The following CREBL2 variants were observed in gnomAD, a reference collection of about 807,000 sequenced individuals.
CREBL2 encodes cAMP-responsive element-binding protein-like 2.
A neutral mutation model predicts 19.5 loss-of-function variants in CREBL2; 4 were observed. That is an observed-to-expected ratio of 0.20 (90% CI 0.10 to 0.47). The LOEUF (loss-of-function observed/expected upper bound fraction) is 0.47, where lower values mean the gene tolerates loss of function less well. Ranked by LOEUF, CREBL2 falls within the 20% of genes least tolerant of loss-of-function variation. The pLI is 0.98. For missense variants in CREBL2, 85 were observed against 145.1 expected, an observed-to-expected ratio of 0.59 and a Z score of 2.13; for synonymous variants, 42 against 46.6, an observed-to-expected ratio of 0.90 and a Z score of 0.40.
At chr12:12,641,318 T>A (rs1168483187) in intron 3 of CREBL2, among the ~76,000 whole-genome samples, 2 of 148,346 alleles carry the variant, frequency 1.3e-5, no homozygotes, top group Non-Finnish European at 3.0e-5. Flanking sequence ...TTCAATATTT[T>A]TTTTTTTGAG....
chr12:12,636,087 A>G (rs1304895473), intron 2 of CREBL2, 113 bp downstream of exon 2: 1 of 1,014,982 alleles, frequency 9.9e-7, no homozygotes. Context: ...CATTGGAGAG[A>G]ATATTAATCT....
intron 2 of CREBL2, among the ~76,000 whole-genome samples, chr12:12,637,162 TAAAGAG>T (rs1484221254): frequency 6.6e-6 from 1 of 152,052 alleles, no homozygotes; most frequent in Admixed American, 6.5e-5. Flanking sequence ...GATCACTTGT[TAAAGAG>T]AGAAAGGAAA....
chr12:12,639,028 C>G (rs910842268), intron 3 of CREBL2, among the ~76,000 whole-genome samples: 2 of 152,130 alleles, frequency 1.3e-5, no homozygotes, highest in Non-Finnish European at 2.9e-5. Context: ...ATGGATTTAC[C>G]TATTCTGTAT....
At chr12:12,626,411 T>C (rs549652119) in intron 1 of CREBL2, among the ~76,000 whole-genome samples, 1 of 152,312 alleles carries the variant, frequency 6.6e-6, no homozygotes, top group African/African-American at 2.4e-5. Flanking sequence ...TTAAAACTCA[T>C]GAGTTAGAAC....
rs1158339392 is a variant in CREBL2, at chr12:12,643,667, CT to C, written c.*1670del. ...TTGGTTGCAAACTCAGATCTCTAGTCTAGTCTAGTCTAGTCTAGTCTAGTCA... is the reference window on the plus strand; with the variant it reads ...TTGGTTGCAAACTCAGATCTCTAGTCAGTCTAGTCTAGTCTAGTCTAGTCA... On this transcript the variant is annotated 3_prime_UTR_variant, in exon 4 of 4. Transcript: ENST00000228865. 5 of 152,172 alleles carry C rather than the reference CT, an allele frequency of 3.3e-5. No homozygotes were observed. Among genetic ancestry groups the C allele is most frequent in the Admixed American group, 3.3e-4 (5 of 15,288 alleles). The allele number at this position is 152,172 out of a possible 1,614,324, so 9.4% of individuals were successfully genotyped here.
rs139256609 is a variant in CREBL2, at chr12:12,612,493, C to T, written c.15+306C>T. Reference sequence around the variant, plus strand: ...ATAAGAAACTACTGTACTTTTTCTTCTTGCACTTTTTTGCTGCCTCCTCTC... The same window carrying T: ...ATAAGAAACTACTGTACTTTTTCTTTTTGCACTTTTTTGCTGCCTCCTCTC... On this transcript the variant is annotated intron_variant, in intron 1 of 3. Coordinates refer to ENST00000228865, the MANE Select transcript of CREBL2 (RefSeq NM_001310.4). 1.7e-3 allele frequency among the ~76,000 whole-genome samples: 255 copies of T among 152,250 alleles called. 2 individuals are homozygous for T. The highest frequency in any genetic ancestry group is 6.0e-3 in the African/African-American group (249 of 41,548).
At position 12,615,082 on chromosome 12, in the gene CREBL2, T is replaced by A. The variant is rs182350411; in HGVS notation, c.15+2895T>A. Among the ~76,000 whole-genome samples the A allele has an allele frequency of 2.6e-4, 39 of 152,138 alleles. 1 individual carries two copies. Among genetic ancestry groups the A allele is most frequent in the Admixed American group, 2.5e-3 (38 of 15,270 alleles). On this transcript the variant is annotated intron_variant, in intron 1 of 3. Coordinates refer to ENST00000228865, the MANE Select transcript of CREBL2 (RefSeq NM_001310.4). ...CCAGGCTTGATGCAGTGGTGCAGTCTTGGCTCACTATAAACTCCGCCTCCC... is the reference window on the plus strand; with the variant it reads ...CCAGGCTTGATGCAGTGGTGCAGTCATGGCTCACTATAAACTCCGCCTCCC...
At position 12,643,804 on chromosome 12, in the gene CREBL2, G is replaced by A. The variant is rs1284244935; in HGVS notation, c.*1806G>A. On this transcript the variant is annotated 3_prime_UTR_variant, in exon 4 of 4. Transcript: ENST00000228865. ...CTTTTTAGGATCATAAACATAAATA[G>A]GTTTGTTGATATTCAGGCCTTCAGA... 1 of 152,440 alleles carries A rather than the reference G, an allele frequency of 6.6e-6. No homozygotes were observed. Among genetic ancestry groups the A allele is most frequent in the Non-Finnish European group, 1.5e-5 (1 of 68,010 alleles). 9.4% of individuals were successfully genotyped at this position (152,440 alleles called of 1,614,324 possible). A position where few individuals can be genotyped will look rare whatever the true frequency, so the allele number is the denominator to read the frequency against.
intron 1 of CREBL2, among the ~76,000 whole-genome samples, chr12:12,619,775 G>A (rs776862317): frequency 8.5e-5 from 13 of 152,140 alleles, no homozygotes; most frequent in Non-Finnish European, 1.6e-4. Context: ...ATCCTAAGGC[G>A]TCAAGATCCA....
intron 1 of CREBL2, among the ~76,000 whole-genome samples, chr12:12,613,957 G>A (rs80352381): frequency 0.036 from 5,380 of 149,258 alleles, 215 homozygotes; most frequent in Admixed American, 0.13. Context: ...TTTGGGGAGG[G>A]GACATCACAC....
At chr12:12,641,648 TGAA>T (rs1945523162) in intron 3 of CREBL2, among the ~76,000 whole-genome samples, 1 of 152,144 alleles carries the variant, frequency 6.6e-6, no homozygotes, top group Admixed American at 6.6e-5. Flanking sequence ...TTTACAAAAT[TGAA>T]GAAATCGGCT....
At chr12:12,636,456 T>C (rs11613846) in intron 2 of CREBL2, among the ~76,000 whole-genome samples, 54,858 of 152,038 alleles carry the variant, frequency 0.36, 10,104 homozygotes, top group South Asian at 0.45. Flanking sequence ...AGTCTTGCTC[T>C]GTCGCCCAGG....
At chr12:12,625,186 C>T (rs553498417) in intron 1 of CREBL2, among the ~76,000 whole-genome samples, 1 of 152,232 alleles carries the variant, frequency 6.6e-6, no homozygotes, top group Admixed American at 6.5e-5. Flanking sequence ...CATTTTGGGC[C>T]GTCATTTCAG....
chr12:12,624,835 G>A (rs182499725), intron 1 of CREBL2, among the ~76,000 whole-genome samples: 95 of 152,288 alleles, frequency 6.2e-4, no homozygotes, highest in African/African-American at 2.1e-3. Context: ...CTTATCCAGC[G>A]TCCAGGTAAA....
chr12:12,628,363 C>A (rs1331536836), intron 1 of CREBL2, among the ~76,000 whole-genome samples: 1 of 151,996 alleles, frequency 6.6e-6, no homozygotes, highest in East Asian at 1.9e-4. Context: ...ATTGGGTTGT[C>A]TTTTTATTAT....
At chr12:12,630,871 AT>A (rs1200359236) in intron 1 of CREBL2, among the ~76,000 whole-genome samples, 1 of 152,084 alleles carries the variant, frequency 6.6e-6, no homozygotes, top group Admixed American at 6.5e-5. Context: ...TCCTCAAAGT[AT>A]TTTTCTAATT....
At chr12:12,632,995 C>T (rs1945452024) in intron 1 of CREBL2, among the ~76,000 whole-genome samples, 1 of 150,568 alleles carries the variant, frequency 6.6e-6, no homozygotes, top group Non-Finnish European at 1.5e-5. Flanking sequence ...GTGCAGTGGC[C>T]CGATCTGGAC....
chr12:12,619,188 G>A (rs1945341139), intron 1 of CREBL2, among the ~76,000 whole-genome samples: 1 of 152,124 alleles, frequency 6.6e-6, no homozygotes, highest in African/African-American at 2.4e-5. Flanking sequence ...GCTCCAGATG[G>A]GACAGGGGCA....
chr12:12,625,912 G>A (rs1392555775), intron 1 of CREBL2, among the ~76,000 whole-genome samples: 1 of 152,048 alleles, frequency 6.6e-6, no homozygotes, highest in African/African-American at 2.4e-5. Context: ...TTTAATAAAG[G>A]GTCATTGAAT....
Sources: allele counts gnomAD v4.1 joint callset (sites outside exome capture counted in the v4.1 genomes callset), GRCh38; gene constraint gnomAD v4.1.1; transcripts MANE v1.5; gene names NCBI Gene and HGNC (gene_info 2026-07-23, HGNC 2026-07-21).